Variants in RALGAPA2 observed in about 807,000 individuals in gnomAD.
The protein encoded by RALGAPA2 is ral GTPase-activating protein subunit alpha-2.
Under a neutral mutation model 230.4 loss-of-function variants are expected in RALGAPA2, and 139 were observed. The observed-to-expected ratio is 0.60, with a 90% CI of 0.53 to 0.69. The LOEUF (loss-of-function observed/expected upper bound fraction) is 0.69, where lower values mean the gene tolerates loss of function less well. Ranked by LOEUF, RALGAPA2 falls within the 30% of genes least tolerant of loss-of-function variation. RALGAPA2 has a pLI of 0.00. For missense variants in RALGAPA2, 2,163 were observed against 2,276.0 expected, an observed-to-expected ratio of 0.95 and a Z score of 1.01; for synonymous variants, 847 against 837.8, an observed-to-expected ratio of 1.01 and a Z score of -0.19.
intron 37 of RALGAPA2, among the ~76,000 whole-genome samples, chr20:20,447,484 C>T (rs2060889894): frequency 6.6e-6 from 1 of 152,196 alleles, no homozygotes; most frequent in South Asian, 2.1e-4. Flanking sequence ...AAACACAATC[C>T]TGAGCCCTGG....
At chr20:20,399,554 A>C (rs1328623524) in intron 38 of RALGAPA2, among the ~76,000 whole-genome samples, 1 of 152,222 alleles carries the variant, frequency 6.6e-6, no homozygotes, top group Non-Finnish European at 1.5e-5. Flanking sequence ...GCTCAGACAC[A>C]GAGTTGAGCC....
At chr20:20,630,892 A>G (rs930903327) in intron 9 of RALGAPA2, among the ~76,000 whole-genome samples, 5 of 152,158 alleles carry the variant, frequency 3.3e-5, no homozygotes, top group Admixed American at 1.3e-4. Context: ...TTTTTGACCT[A>G]TAACTCCCAT....
At chr20:20,568,265 C>T (rs149478539) in intron 23 of RALGAPA2, among the ~76,000 whole-genome samples, 8 of 152,244 alleles carry the variant, frequency 5.3e-5, no homozygotes, top group Non-Finnish European at 7.4e-5. Context: ...ACCATGTTTT[C>T]GATCACACCA....
intron 37 of RALGAPA2, among the ~76,000 whole-genome samples, chr20:20,465,084 C>T (rs2061385940): frequency 2.0e-5 from 3 of 148,140 alleles, no homozygotes; most frequent in Admixed American, 6.8e-5. Flanking sequence ...TTACTTTTGG[C>T]TTCTGTTTTC....
intron 39 of RALGAPA2, among the ~76,000 whole-genome samples, chr20:20,395,685 G>A (rs1256049305): frequency 6.6e-6 from 1 of 152,146 alleles, no homozygotes; most frequent in Non-Finnish European, 1.5e-5. Context: ...TTGGGTGAGG[G>A]GAAGAGAAAG....
At chr20:20,667,491 A>AG (rs1478613720) in intron 3 of RALGAPA2, among the ~76,000 whole-genome samples, 15 of 152,256 alleles carry the variant, frequency 9.9e-5, no homozygotes, top group Non-Finnish European at 1.8e-4. Context: ...CAGTACATAT[A>AG]GGCGTGTAAT....
At position 20,645,106 on chromosome 20, in the gene RALGAPA2, C is replaced by CTTTT. The variant is rs71198064; in HGVS notation, c.329-1561_329-1558dup. ...TGGCTTGTTTTTGGTGGTGGTGGTG[C>CTTTT]TTTTTTTTTTTTTTTTTTTTTTTTT... On this transcript the variant is annotated intron_variant, in intron 4 of 39. Transcript: ENST00000202677. Among the ~76,000 whole-genome samples the CTTTT allele has an allele frequency of 5.5e-4, 33 of 59,482 alleles. 4 individuals carry two copies. The highest frequency in any genetic ancestry group is 1.3e-3 in the African/African-American group (23 of 17,630). 39.0% of individuals were successfully genotyped at this position (59,482 alleles called of 152,430 possible). A position where few individuals can be genotyped will look rare whatever the true frequency, so the allele number is the denominator to read the frequency against.
rs559540183 is a variant in RALGAPA2 at position 20,526,462 on chromosome 20, C to A, written c.3583-100G>T. The A allele has an allele frequency of 2.4e-5, 18 of 759,350 alleles. No homozygotes were observed. The African/African-American group carries it at 2.7e-4, about 11-fold the overall frequency. 47.0% of individuals were successfully genotyped at this position (759,350 alleles called of 1,614,324 possible). On this transcript the variant is annotated intron_variant, in intron 27 of 39. Coordinates refer to ENST00000202677, the MANE Select transcript of RALGAPA2 (RefSeq NM_020343.4). Reference sequence around the variant, plus strand: ...TTTCTTCTCAGTTCCTTATAGATTACATTTATCTGTTTTGCCTCAAATTGA... The same window carrying A: ...TTTCTTCTCAGTTCCTTATAGATTAAATTTATCTGTTTTGCCTCAAATTGA...
intron 20 of RALGAPA2, among the ~76,000 whole-genome samples, chr20:20,582,401 G>A (rs575307414): frequency 1.9e-4 from 29 of 152,208 alleles, no homozygotes; most frequent in Non-Finnish European, 3.2e-4. Context: ...CCTGGAAGCC[G>A]ACCCAGAAAG....
At chr20:20,569,418 G>C (rs1320355068) in intron 23 of RALGAPA2, among the ~76,000 whole-genome samples, 1 of 152,114 alleles carries the variant, frequency 6.6e-6, no homozygotes, top group Non-Finnish European at 1.5e-5. Context: ...ATTTTAAATA[G>C]AGATTTATGA....
In RALGAPA2 at chr20:20,571,552, G is replaced by A. The variant is rs374670070; in HGVS notation, c.3062C>T (p.Ala1021Val). ...GKLQAYRLIC[A>V]MMTRRQDVLP... Reference sequence around the variant, plus strand: ...AACGTCCTGGCGTCTGGTCATCATGGCACAGATCAGCCTGTAGGCTTGTAG... The same window carrying A: ...AACGTCCTGGCGTCTGGTCATCATGACACAGATCAGCCTGTAGGCTTGTAG... Residue 1021 changes from alanine (A) to valine (V), a missense_variant, in exon 23 of 40, where the codon GCC becomes GTC. Ala to Val is a moderately conservative substitution (Grantham distance 64). Coordinates refer to ENST00000202677, the MANE Select transcript of RALGAPA2 (RefSeq NM_020343.4). The A allele has an allele frequency of 1.1e-5, 18 of 1,612,224 alleles. No homozygotes were observed. The African/African-American group carries it at 2.4e-4, about 22-fold the overall frequency.
At chr20:20,535,878 G>T in intron 25 of RALGAPA2, 75 bp from the exon 26 acceptor site, 2 of 1,486,066 alleles carry the variant, frequency 1.3e-6, no homozygotes, top group Non-Finnish European at 1.8e-6. Flanking sequence ...CCATGTTCCA[G>T]GCAGCCAGGA....
At chr20:20,466,761 C>G (rs1052827199) in intron 37 of RALGAPA2, among the ~76,000 whole-genome samples, 1 of 152,132 alleles carries the variant, frequency 6.6e-6, no homozygotes, top group East Asian at 1.9e-4. Context: ...TGTGGCCAAC[C>G]GAAATCCTCA....
intron 3 of RALGAPA2, among the ~76,000 whole-genome samples, chr20:20,669,642 A>G (rs949768894): frequency 1.3e-5 from 2 of 152,170 alleles, no homozygotes; most frequent in Admixed American, 1.3e-4. Context: ...CCTGCAAAAA[A>G]ACACAATAAA....
At chr20:20,633,151 T>A (rs963224551) in intron 9 of RALGAPA2, among the ~76,000 whole-genome samples, 4 of 151,858 alleles carry the variant, frequency 2.6e-5, no homozygotes, top group Non-Finnish European at 5.9e-5. Context: ...TCTTCTTTTT[T>A]GAAATGGGAG....
chr20:20,458,860 A>ATATATATATAGATC, intron 37 of RALGAPA2, among the ~76,000 whole-genome samples: 1 of 141,726 alleles, frequency 7.1e-6, no homozygotes, highest in African/African-American at 2.6e-5. Flanking sequence ...ATAGACCTAT[A>ATATATATATAGATC]TATATATATA....
At chr20:20,666,041 A>G (rs926378929) in intron 3 of RALGAPA2, among the ~76,000 whole-genome samples, 2 of 152,228 alleles carry the variant, frequency 1.3e-5, no homozygotes, top group African/African-American at 4.8e-5. Flanking sequence ...ACATCAATAA[A>G]AGCCACAAGT....
rs575070562 is a variant in RALGAPA2, at chr20:20,601,902, C to G, written c.2039-56G>C. 2.3e-4 allele frequency: 330 copies of G among 1,436,004 alleles called. 3 individuals are homozygous for G. In the African/African-American group the frequency reaches 4.2e-3, roughly 18 times the overall value. The allele number at this position is 1,436,004 out of a possible 1,614,324, so 89.0% of individuals were successfully genotyped here. A position where few individuals can be genotyped will look rare whatever the true frequency, so the allele number is the denominator to read the frequency against. On this transcript the variant is annotated intron_variant, in intron 15 of 39. Transcript: ENST00000202677. ...GCTGAATTCATTATTATTCATTTCA[C>G]GCTTGTGTTGCTCAGCAAATGGTGT... is the stretch of plus-strand genomic sequence containing the variant.
At chr20:20,703,731 ACT>A (rs2069487319) in intron 1 of RALGAPA2, among the ~76,000 whole-genome samples, 1 of 152,146 alleles carries the variant, frequency 6.6e-6, no homozygotes, top group Non-Finnish European at 1.5e-5. Context: ...TGATCCTTTA[ACT>A]CTGGAGTCAT....
Sources: gnomAD v4.1 joint callset for allele counts (sites outside exome capture counted in the v4.1 genomes callset) on GRCh38, gnomAD v4.1.1 for gene constraint, MANE v1.5 for transcripts, NCBI Gene and HGNC (gene_info 2026-07-23, HGNC 2026-07-21) for gene names.